Variants in OLFM3 observed in about 807,000 individuals in gnomAD.
OLFM3 encodes the protein noelin-3.
OLFM3 carries 20 observed loss-of-function variants against 48.6 expected under a neutral mutation model. That is an observed-to-expected ratio of 0.41 (90% CI 0.29 to 0.60). The LOEUF (loss-of-function observed/expected upper bound fraction) is 0.60. Among genes scored for constraint, OLFM3 ranks in the 20% least tolerant of loss-of-function variants. The pLI, the probability that OLFM3 is intolerant of heterozygous loss-of-function variation, is 0.28. For missense variants in OLFM3, 437 were observed against 544.3 expected, an observed-to-expected ratio of 0.80 and a Z score of 1.96; for synonymous variants, 222 against 198.1, an observed-to-expected ratio of 1.12 and a Z score of -1.01.
At chr1:101,973,536 C>T (rs1660868028) in intron 1 of OLFM3, among the ~76,000 whole-genome samples, 1 of 152,194 alleles carries the variant, frequency 6.6e-6, no homozygotes, top group Non-Finnish European at 1.5e-5. Context: ...ATCTAAGTAT[C>T]TGTCTGTCCG....
intron 1 of OLFM3, among the ~76,000 whole-genome samples, chr1:101,878,860 G>A (rs1376582059): frequency 6.6e-6 from 1 of 151,930 alleles, no homozygotes; most frequent in African/African-American, 2.4e-5. Flanking sequence ...GCAGAGAGCA[G>A]TTATAGAAAT....
rs1553186119 is a variant in OLFM3 at position 101,991,016 on chromosome 1, A to AAAAAT, written c.69+5731_69+5732insATTTT. Among the ~76,000 whole-genome samples, 286 of 32,136 alleles carry AAAAAT rather than the reference A, an allele frequency of 8.9e-3. 8 individuals are homozygous for AAAAAT. Among genetic ancestry groups the AAAAAT allele is most frequent in the African/African-American group, 0.015 (87 of 5,800 alleles). 21.1% of individuals were successfully genotyped at this position (32,136 alleles called of 152,430 possible). The stretch of plus-strand genomic sequence containing the variant: ...AAAAAAAAAAAAAAAAAAAAAAAAA[A>AAAAAT]ATATATATATATATATATATATATA... On this transcript the variant is annotated intron_variant, in intron 1 of 5. Coordinates refer to ENST00000370103, the MANE Select transcript of OLFM3 (RefSeq NM_058170.4).
intron 4 of OLFM3, among the ~76,000 whole-genome samples, chr1:101,815,563 G>A (rs1237755995): frequency 6.6e-6 from 1 of 151,948 alleles, no homozygotes; most frequent in Non-Finnish European, 1.5e-5. Flanking sequence ...GAATAAAGTG[G>A]ATAGGACTAG....
chr1:101,859,047 T>G (rs1656541987), intron 1 of OLFM3, among the ~76,000 whole-genome samples: 1 of 152,174 alleles, frequency 6.6e-6, no homozygotes, highest in South Asian at 2.1e-4. Context: ...AAAACTCATT[T>G]CTGAAGTGTG....
chr1:101,957,810 C>G (rs1204377673), intron 1 of OLFM3, among the ~76,000 whole-genome samples: 1 of 151,888 alleles, frequency 6.6e-6, no homozygotes, highest in African/African-American at 2.4e-5. Flanking sequence ...AGATATCTAG[C>G]AATAATAAGG....
chr1:101,812,983 A>C, intron 4 of OLFM3: 1 of 1,042,424 alleles, frequency 9.6e-7, no homozygotes, highest in Middle Eastern at 2.6e-4. Flanking sequence ...TTCATTTGAC[A>C]ACCATTTACT....
chr1:101,805,985 C>A (rs919886265), intron 5 of OLFM3, 91 bp downstream of exon 5: 5 of 875,382 alleles, frequency 5.7e-6, no homozygotes, highest in African/African-American at 1.7e-5. Context: ...CAAGTACAAA[C>A]AAATATCCCT....
At chr1:101,870,597 A>G (rs1657041384) in intron 1 of OLFM3, among the ~76,000 whole-genome samples, 1 of 152,218 alleles carries the variant, frequency 6.6e-6, no homozygotes. Context: ...GTACCCTTAG[A>G]TATTACAGAC....
chr1:101,895,019 A>G (rs963551601), intron 1 of OLFM3, among the ~76,000 whole-genome samples: 1 of 152,046 alleles, frequency 6.6e-6, no homozygotes, highest in African/African-American at 2.4e-5. Flanking sequence ...TGAATACAAT[A>G]CTCATAAATG....
At chr1:101,864,240 C>G (rs1656772872) in intron 1 of OLFM3, among the ~76,000 whole-genome samples, 1 of 151,562 alleles carries the variant, frequency 6.6e-6, no homozygotes, top group Admixed American at 6.6e-5. Flanking sequence ...CAAAAAATAA[C>G]AAGCAAAGTG....
intron 4 of OLFM3, among the ~76,000 whole-genome samples, chr1:101,820,487 A>G (rs990793354): frequency 9.9e-5 from 15 of 152,116 alleles, no homozygotes; most frequent in African/African-American, 3.4e-4. Context: ...TCAATTAAGA[A>G]CAGGGGACTT....
At chr1:101,888,427 T>C (rs1158368357) in intron 1 of OLFM3, among the ~76,000 whole-genome samples, 1 of 152,186 alleles carries the variant, frequency 6.6e-6, no homozygotes, top group Non-Finnish European at 1.5e-5. Context: ...TAAATGGTGC[T>C]GGGAAAACTG....
At chr1:101,878,242 CT>C (rs1242527114) in intron 1 of OLFM3, among the ~76,000 whole-genome samples, 1 of 151,794 alleles carries the variant, frequency 6.6e-6, no homozygotes, top group Admixed American at 6.6e-5. Flanking sequence ...ATTGTTTTAT[CT>C]CCATTGTTGT....
rs78838794 is a variant in OLFM3 at position 101,878,419 on chromosome 1, A to G, written c.70-41394T>C. 1.9e-3 allele frequency among the ~76,000 whole-genome samples: 283 copies of G among 152,030 alleles called. 2 individuals are homozygous for G. The East Asian group carries it at 0.036, about 19-fold the overall frequency. On this transcript the variant is annotated intron_variant, in intron 1 of 5. Transcript: ENST00000370103. ...CCACAAAACACATAGGCATTCATAT[A>G]TGTTGGGTCACCCATTAAACTGGTC...
intron 2 of OLFM3, among the ~76,000 whole-genome samples, chr1:101,833,226 C>G (rs1655249639): frequency 1.3e-5 from 2 of 152,188 alleles, no homozygotes; most frequent in Non-Finnish European, 2.9e-5. Flanking sequence ...GGAAAATGCA[C>G]TGAGATAATT....
At chr1:101,974,743 C>T (rs1660901927) in intron 1 of OLFM3, among the ~76,000 whole-genome samples, 1 of 152,098 alleles carries the variant, frequency 6.6e-6, no homozygotes. Context: ...CTTGCAAATA[C>T]TAGATAGTTT....
At chr1:101,923,627 A>C (rs1258832867) in intron 1 of OLFM3, among the ~76,000 whole-genome samples, 1 of 151,928 alleles carries the variant, frequency 6.6e-6, no homozygotes, top group African/African-American at 2.4e-5. Context: ...TTTTTTACTT[A>C]TTCTTAAAAG....
In OLFM3 at chr1:101,896,556, G is replaced by A. The variant is rs574770040; in HGVS notation, c.70-59531C>T. The stretch of plus-strand genomic sequence containing the variant: ...GTCACCCAGGCTGAAGTGCAGTGGC[G>A]CGATCTCGGCTCACTGCAAACTCCG... On this transcript the variant is annotated intron_variant, in intron 1 of 5. Transcript: ENST00000370103. Among the ~76,000 whole-genome samples, 8 of 143,142 alleles carry A rather than the reference G, an allele frequency of 5.6e-5. No individual in the cohort carries two copies. In the East Asian group the frequency reaches 1.6e-3, roughly 29 times the overall value. The allele number at this position is 143,142 out of a possible 152,430, so 93.9% of individuals were successfully genotyped here. A position where few individuals can be genotyped will look rare whatever the true frequency, so the allele number is the denominator to read the frequency against.
intron 1 of OLFM3, among the ~76,000 whole-genome samples, chr1:101,906,516 T>G (rs1658556056): frequency 6.6e-6 from 1 of 152,164 alleles, no homozygotes; most frequent in Non-Finnish European, 1.5e-5. Flanking sequence ...ATTAGAAAGA[T>G]AAATGGTCAA....
Sources: gnomAD v4.1 joint callset for allele counts (sites outside exome capture counted in the v4.1 genomes callset) on GRCh38, gnomAD v4.1.1 for gene constraint, MANE v1.5 for transcripts, NCBI Gene and HGNC (gene_info 2026-07-23, HGNC 2026-07-21) for gene names.